CFAP100: variants seen among roughly 807,000 people sequenced by gnomAD.
The protein encoded by CFAP100 is cilia- and flagella-associated protein 100.
CFAP100 carries 70 observed loss-of-function variants against 81.5 expected under a neutral mutation model. The ratio of observed to expected loss-of-function variants is 0.86; its 90% CI spans 0.71 to 1.05. The LOEUF is 1.05. CFAP100 is among the 50% of genes least tolerant of loss of function. The pLI is 0.00. For synonymous variants in CFAP100, 341 were observed against 314.8 expected, an observed-to-expected ratio of 1.08 and a Z score of -0.88; for missense variants, 811 against 776.5, an observed-to-expected ratio of 1.04 and a Z score of -0.53.
rs557321745 is a variant in CFAP100, at chr3:126,417,054, G to T, written c.418+546G>T. On this transcript the variant is annotated intron_variant, in intron 5 of 16. Coordinates refer to ENST00000352312, the MANE Select transcript of CFAP100 (RefSeq NM_182628.3). ...GGCTGCTGTATTGCGTGATTCGGAA[G>T]GTGGGCAGTGTACAGTGGGCGCAGG... 2.7e-4 allele frequency among the ~76,000 whole-genome samples: 41 copies of T among 152,328 alleles called. No homozygotes were observed. In the South Asian group the frequency reaches 8.5e-3, roughly 32 times the overall value.
At chr3:126,402,502 G>T (rs542699434) in intron 2 of CFAP100, among the ~76,000 whole-genome samples, 1 of 152,138 alleles carries the variant, frequency 6.6e-6, no homozygotes, top group East Asian at 1.9e-4. Context: ...GAATAGTTTC[G>T]GGGTTCTGGG....
chr3:126,416,366 C>T lies in CFAP100; in HGVS notation c.276C>T (p.Ser92=). 6.2e-7 allele frequency: 1 copy of T among 1,611,214 alleles called. No homozygotes were observed. The part of the protein sequence containing the change: ...TMRVHQKMTY[S]SKVSAKHTSL... Reference sequence around the variant, plus strand: ...GGGTGCACCAGAAGATGACCTACTCCTCGAAAGTGTCGGCTAAGCACACCA... The same window carrying T: ...GGGTGCACCAGAAGATGACCTACTCTTCGAAAGTGTCGGCTAAGCACACCA... Residue 92 remains serine (S), a synonymous_variant, in exon 5 of 17, where the codon TCC becomes TCT. Transcript: ENST00000352312.
chr3:126,398,363 A>G (rs971053192), intron 2 of CFAP100, among the ~76,000 whole-genome samples: 2 of 152,198 alleles, frequency 1.3e-5, no homozygotes, highest in Non-Finnish European at 2.9e-5. Flanking sequence ...GTGGGTGTGG[A>G]GAGTTTGTTC....
chr3:126,419,312 G>A (rs549571150), intron 8 of CFAP100, among the ~76,000 whole-genome samples, 156 bp downstream of exon 8: 1 of 152,280 alleles, frequency 6.6e-6, no homozygotes, highest in African/African-American at 2.4e-5. Flanking sequence ...ATAGACGAGG[G>A]GAGTGAGACC....
chr3:126,403,919 G>T (rs2083024855), intron 2 of CFAP100, among the ~76,000 whole-genome samples: 1 of 152,162 alleles, frequency 6.6e-6, no homozygotes, highest in Non-Finnish European at 1.5e-5. Flanking sequence ...TTAAGCAAAA[G>T]TTAAATTTTC....
At chr3:126,419,926 G>A in intron 9 of CFAP100, 54 bp from the exon 10 acceptor site, 1 of 1,612,520 alleles carries the variant, frequency 6.2e-7, no homozygotes, top group Non-Finnish European at 8.5e-7. Flanking sequence ...ACATGGCGTT[G>A]CTGAAGCTTG....
At position 126,418,974 on chromosome 3, in the gene CFAP100, G is replaced by A. The variant is rs916571243; in HGVS notation, c.651-102G>A. 1.3e-4 allele frequency: 124 copies of A among 984,308 alleles called. 2 individuals carry two copies. The Middle Eastern group carries it at 1.9e-3, about 15-fold the overall frequency. 61.0% of individuals were successfully genotyped at this position (984,308 alleles called of 1,614,324 possible). A position where few individuals can be genotyped will look rare whatever the true frequency, so the allele number is the denominator to read the frequency against. On this transcript the variant is annotated intron_variant, in intron 7 of 16. Coordinates refer to ENST00000352312, the MANE Select transcript of CFAP100 (RefSeq NM_182628.3). ...TGGCTCTCCAGCCCTGTCCGGAGCC[G>A]GGCCCAGCCCTGGGGCCTGTGGGTG...
At chr3:126,423,695 G>T in intron 13 of CFAP100, 51 bp downstream of exon 13, 1 of 1,608,694 alleles carries the variant, frequency 6.2e-7, no homozygotes, top group Non-Finnish European at 8.5e-7. Context: ...CTCATCCTGG[G>T]ATCCCCCTAG....
chr3:126,407,713 A>G (rs577519843), intron 3 of CFAP100, among the ~76,000 whole-genome samples: 19 of 152,322 alleles, frequency 1.2e-4, no homozygotes, highest in Non-Finnish European at 2.5e-4. Flanking sequence ...TTTTTCCCAA[A>G]AGTTCCAAGC....
rs561886433 is a variant in CFAP100, at chr3:126,424,808, G to C, written c.1286+1164G>C. On this transcript the variant is annotated intron_variant, in intron 13 of 16. Transcript: ENST00000352312. ...AAATGGAGGGTGACAGCAGATGGGA[G>C]GGGTAGAGAAGGCTTCCAGGAGGTG... Among the ~76,000 whole-genome samples the C allele has an allele frequency of 2.0e-3, 304 of 152,352 alleles. 3 individuals carry two copies. Among genetic ancestry groups the C allele is most frequent in the African/African-American group, 6.4e-3 (266 of 41,570 alleles).
intron 13 of CFAP100, 47 bp downstream of exon 13, chr3:126,423,691 C>T: frequency 6.2e-7 from 1 of 1,609,782 alleles, no homozygotes; most frequent in Non-Finnish European, 8.5e-7. Flanking sequence ...CGCTCTCATC[C>T]TGGGATCCCC....
Position 126,396,025 on chromosome 3 carries a change from G to A in CFAP100, c.25G>A (p.Val9Ile). 1 of 1,614,104 alleles carries A rather than the reference G, an allele frequency of 6.2e-7. No homozygotes were observed. The highest frequency in any genetic ancestry group is 8.5e-7 in the Non-Finnish European group (1 of 1,179,966). The change falls in exon 2 of 17, where the codon GTC (valine) becomes ATC (isoleucine). Residue 9 changes from valine to isoleucine, a missense_variant. Transcript: ENST00000352312. MSEIPSTI[V>I]SKNMTNDKNS... The stretch of plus-strand genomic sequence containing the variant: ...GATGTCTGAGATACCGTCCACTATA[G>A]TCTCCAAGAACATGACCAATGACAG...
Position 126,419,122 on chromosome 3 carries a change from CG to C in CFAP100, c.700del (p.Asp234ThrfsTer20). 4 of 1,590,232 alleles carry C rather than the reference CG, an allele frequency of 2.5e-6. 1 individual carries two copies. The South Asian group carries it at 3.4e-5, about 14-fold the overall frequency. On this transcript the variant is annotated frameshift_variant, in exon 8 of 17. Transcript: ENST00000352312. LOFTEE classifies it high-confidence loss of function. ...CAAGATAGAGAAGATCCTTGAGATCCGGGACCTCACCACCCAGATTGTTAAT... is the reference window on the plus strand; with the variant it reads ...CAAGATAGAGAAGATCCTTGAGATCCGGACCTCACCACCCAGATTGTTAAT... Reference protein sequence around the residue: ...KAKIEKILEIRDLTTQIVNIK... With the variant: ...KAKIEKILEIXDLTTQIVNIK...
At chr3:126,427,444 GATA>G (rs375971056) in intron 13 of CFAP100, among the ~76,000 whole-genome samples, 9 of 152,268 alleles carry the variant, frequency 5.9e-5, no homozygotes, top group South Asian at 4.1e-4. Context: ...AGAACTTCAA[GATA>G]ATAATAATAT....
At chr3:126,406,639 G>T (rs2083068215) in intron 2 of CFAP100, among the ~76,000 whole-genome samples, 1 of 152,210 alleles carries the variant, frequency 6.6e-6, no homozygotes. Flanking sequence ...GAGACTTGCT[G>T]GCCTTGGGGA....
At chr3:126,398,283 C>G (rs777627763) in intron 2 of CFAP100, among the ~76,000 whole-genome samples, 26 of 152,280 alleles carry the variant, frequency 1.7e-4, no homozygotes, top group Non-Finnish European at 3.4e-4. Context: ...GCACTGGGGT[C>G]GCGCGTGGAC....
intron 2 of CFAP100, among the ~76,000 whole-genome samples, chr3:126,403,711 C>G (rs1303423004): frequency 6.6e-6 from 1 of 152,078 alleles, no homozygotes; most frequent in Non-Finnish European, 1.5e-5. Context: ...GAGAATGTTT[C>G]ACACCCAGTT....
rs765007499 is a variant in CFAP100 at position 126,433,169 on chromosome 3, G to A, written c.1387G>A (p.Val463Ile). The A allele has an allele frequency of 1.9e-6, 3 of 1,614,244 alleles. No individual in the cohort carries two copies. The Admixed American group carries it at 5.0e-5, about 27-fold the overall frequency. ...AGCTGAGCTGGAGCTCAAAGCCCGA[G>A]TCTTCCACTTCGGCGAGTACAAGGG... ...TAAELELKAR[V>I]FHFGEYKGDQ... Residue 463 changes from valine (V) to isoleucine (I), a missense_variant, in exon 14 of 17, where the codon GTC (valine) becomes ATC (isoleucine). Physicochemically the swap from Val to Ile is conservative, Grantham distance 29 (BLOSUM62 3). Transcript: ENST00000352312.
At chr3:126,435,494 C>T (rs1225554724) in intron 15 of CFAP100, 65 bp from the exon 16 acceptor site, 20 of 1,381,038 alleles carry the variant, frequency 1.4e-5, no homozygotes, top group African/African-American at 5.7e-5. Context: ...CTGGGGACTC[C>T]GTGTGGAGAT....
Sources: gnomAD v4.1 joint callset for allele counts (sites outside exome capture counted in the v4.1 genomes callset) on GRCh38, gnomAD v4.1.1 for gene constraint, MANE v1.5 for transcripts, NCBI Gene and HGNC (gene_info 2026-07-23, HGNC 2026-07-21) for gene names.